GRIN2B: variants seen among roughly 807,000 people sequenced by gnomAD.
GRIN2B encodes the protein glutamate ionotropic receptor NMDA type subunit 2B.
GRIN2B carries 5 observed loss-of-function variants against 114.5 expected under a neutral mutation model. The ratio of observed to expected loss-of-function variants is 0.04; its 90% CI spans 0.02 to 0.09. GRIN2B has a LOEUF of 0.09. GRIN2B is among the 10% of genes least tolerant of loss of function. GRIN2B has a pLI of 1.00. For missense variants in GRIN2B, 1,108 were observed against 1,943.5 expected (o/e 0.57, Z 8.08); for synonymous variants, 787 against 745.1 (o/e 1.06, Z -0.92).
intron 5 of GRIN2B, among the ~76,000 whole-genome samples, chr12:13,663,282 A>AT (rs1203221963): frequency 6.6e-6 from 1 of 152,064 alleles, no homozygotes; most frequent in African/African-American, 2.4e-5. Flanking sequence ...TGCAGAAGGA[A>AT]TTTTTTTTAA....
In GRIN2B at chr12:13,559,413, AGTCTAGG is replaced by A. The variant is rs1948511921; in HGVS notation, c.*3363_*3369del. The A allele has an allele frequency of 6.6e-6, 1 of 152,240 alleles. No individual in the cohort carries two copies. Among genetic ancestry groups the A allele is most frequent in the South Asian group, 2.1e-4 (1 of 4,832 alleles). 9.4% of individuals were successfully genotyped at this position (152,240 alleles called of 1,614,324 possible). A position where few individuals can be genotyped will look rare whatever the true frequency, so the allele number is the denominator to read the frequency against. On this transcript the variant is annotated 3_prime_UTR_variant, in exon 14 of 14. Coordinates refer to ENST00000609686, the MANE Select transcript of GRIN2B (RefSeq NM_000834.5). ...GGCTGCCAACCTCCACAAAGCCAAC[AGTCTAGG>A]AAAAGAAGTTCTATTTGTCTGGTTA...
intron 2 of GRIN2B, among the ~76,000 whole-genome samples, chr12:13,892,055 A>G (rs1406666955): frequency 5.9e-5 from 9 of 152,224 alleles, no homozygotes; most frequent in Non-Finnish European, 1.2e-4. Context: ...TTTGATCCTC[A>G]TGACAATCAT....
intron 2 of GRIN2B, among the ~76,000 whole-genome samples, chr12:13,906,109 T>A (rs954727242): frequency 6.6e-6 from 1 of 152,186 alleles, no homozygotes; most frequent in African/African-American, 2.4e-5. Context: ...TGCCTTATCT[T>A]CTTATAGCAA....
chr12:13,605,076 T>C (rs1949219876), intron 10 of GRIN2B, among the ~76,000 whole-genome samples: 1 of 152,082 alleles, frequency 6.6e-6, no homozygotes, highest in Non-Finnish European at 1.5e-5. Flanking sequence ...AGACTCTTTT[T>C]TTTTTTTGTC....
At chr12:13,861,295 G>A (rs1227639631) in intron 3 of GRIN2B, among the ~76,000 whole-genome samples, 1 of 152,272 alleles carries the variant, frequency 6.6e-6, no homozygotes, top group African/African-American at 2.4e-5. Flanking sequence ...CTAATAGTGG[G>A]CTGTGATATC....
At chr12:13,731,426 C>T (rs1863084590) in intron 4 of GRIN2B, among the ~76,000 whole-genome samples, 1 of 152,022 alleles carries the variant, frequency 6.6e-6, no homozygotes, top group Non-Finnish European at 1.5e-5. Flanking sequence ...GGTGAAACCC[C>T]GTGTCCACTA....
Position 13,899,012 on chromosome 12 carries a change from C to G in GRIN2B, c.-18-32786G>C, listed in dbSNP as rs117610179. Among the ~76,000 whole-genome samples the G allele has an allele frequency of 7.7e-3, 1,167 of 152,270 alleles. 7 individuals carry two copies. Among genetic ancestry groups the G allele is most frequent in the Non-Finnish European group, 0.013 (852 of 68,022 alleles). On this transcript the variant is annotated intron_variant, in intron 2 of 13. Coordinates refer to ENST00000609686, the MANE Select transcript of GRIN2B (RefSeq NM_000834.5). ...TTTTGTCAGATACTGTGCTTGGTTT[C>G]CATAAGAATTCCTTTCCCCATTTTA...
chr12:13,594,008 A>T (rs193230807), intron 10 of GRIN2B, among the ~76,000 whole-genome samples: 1 of 152,344 alleles, frequency 6.6e-6, no homozygotes, highest in African/African-American at 2.4e-5. Flanking sequence ...GGTGATTATT[A>T]AAAAGTCAGG....
intron 5 of GRIN2B, among the ~76,000 whole-genome samples, chr12:13,641,379 C>G (rs377677101): frequency 6.6e-6 from 1 of 151,946 alleles, no homozygotes; most frequent in Admixed American, 6.6e-5. Flanking sequence ...AGCCTTGCAT[C>G]GTTAATTTGA....
intron 10 of GRIN2B, among the ~76,000 whole-genome samples, chr12:13,596,455 C>T (rs989734817): frequency 6.6e-6 from 1 of 152,208 alleles, no homozygotes; most frequent in African/African-American, 2.4e-5. Context: ...CTAAACACTG[C>T]TCTTGCTCTA....
In GRIN2B at chr12:13,866,194, C is replaced by G; in HGVS notation, c.15G>C (p.Ala5=). 1 of 1,609,266 alleles carries G rather than the reference C, an allele frequency of 6.2e-7. No homozygotes were observed. The highest frequency in any genetic ancestry group is 8.5e-7 in the Non-Finnish European group (1 of 1,179,930). Residue 5 remains alanine, a synonymous_variant, in exon 3 of 14, where the codon GCG becomes GCC. Transcript: ENST00000609686. The stretch of plus-strand genomic sequence containing the variant: ...ACCAGAACTTGGGAGAACAGCACTC[C>G]GCTCTGGGCTTCATCTTCAACTCGT... MKPR[A]ECCSPKFWLV...
chr12:13,927,342 G>A (rs1866935744), intron 2 of GRIN2B, among the ~76,000 whole-genome samples: 1 of 152,114 alleles, frequency 6.6e-6, no homozygotes, highest in Non-Finnish European at 1.5e-5. Flanking sequence ...CCACCTCAAG[G>A]AAGCCTTAGT....
intron 4 of GRIN2B, among the ~76,000 whole-genome samples, chr12:13,743,355 T>C (rs1422446877): frequency 6.6e-6 from 1 of 152,136 alleles, no homozygotes; most frequent in Non-Finnish European, 1.5e-5. Flanking sequence ...CAAGTCTCCA[T>C]GTGAACACAT....
In GRIN2B at chr12:13,914,584, G is replaced by A. The variant is rs12228168; in HGVS notation, c.-18-48358C>T. ...CCCACTAGTGGGTATACATCCCAAA[G>A]AAAGGAAATCAACATATCAAAGAGA... On this transcript the variant is annotated intron_variant, in intron 2 of 13. Transcript: ENST00000609686. Among the ~76,000 whole-genome samples, 8 of 152,252 alleles carry A rather than the reference G, an allele frequency of 5.3e-5. No homozygotes were observed. The East Asian group carries it at 1.3e-3, about 26-fold the overall frequency.
rs145002070 is a variant in GRIN2B, at chr12:13,900,757, C to T, written c.-18-34531G>A. On this transcript the variant is annotated intron_variant, in intron 2 of 13. Coordinates refer to ENST00000609686, the MANE Select transcript of GRIN2B (RefSeq NM_000834.5). The stretch of plus-strand genomic sequence containing the variant: ...TTCAGTTGTTTGTTTTAGAACATTA[C>T]GTGGATAGAATCACTTAGAATCATA... 7.9e-5 allele frequency among the ~76,000 whole-genome samples: 12 copies of T among 152,228 alleles called. No homozygotes were observed. The East Asian group carries it at 1.9e-3, about 24-fold the overall frequency.
At chr12:13,633,911 C>T (rs552960500) in intron 5 of GRIN2B, among the ~76,000 whole-genome samples, 1 of 151,106 alleles carries the variant, frequency 6.6e-6, no homozygotes, top group East Asian at 2.0e-4. Context: ...GACACAGCTG[C>T]TGACAGGAGG....
intron 11 of GRIN2B, among the ~76,000 whole-genome samples, chr12:13,571,564 A>G (rs1948708991): frequency 6.6e-6 from 1 of 152,198 alleles, no homozygotes. Context: ...TCATGGTTAC[A>G]TTAGTGCAAC....
At position 13,753,708 on chromosome 12, in the gene GRIN2B, T is replaced by C. The variant is rs747790101; in HGVS notation, c.619A>G (p.Met207Val). 1.2e-5 allele frequency: 19 copies of C among 1,614,172 alleles called. No individual in the cohort carries two copies. In the South Asian group the frequency reaches 1.9e-4, roughly 16 times the overall value. ...TTAGAATCTCCATCGTCCAGGGACA[T>C]GTCCAGTAGGAGGACCTCCTCTAGC... ...WELEEVLLLD[M>V]SLDDGDSKIQ... is the part of the protein sequence containing the mutation. Residue 207 changes from methionine (M) to valine (V), a missense_variant, in exon 4 of 14, where the codon ATG becomes GTG. Physicochemically the swap from Met to Val is conservative, Grantham distance 21. Transcript: ENST00000609686. This position sits in a 1 kb window ranked among gnomAD's most constrained non-coding sequence, Gnocchi z 6.2.
intron 10 of GRIN2B, among the ~76,000 whole-genome samples, chr12:13,605,755 G>A (rs887343858): frequency 6.6e-6 from 1 of 152,130 alleles, no homozygotes; most frequent in African/African-American, 2.4e-5. Context: ...GTTATGCTTA[G>A]TTCAAACAGA....
Sources: allele counts gnomAD v4.1 joint callset (sites outside exome capture counted in the v4.1 genomes callset), GRCh38; gene constraint gnomAD v4.1.1; non-coding constraint Gnocchi (gnomAD v3.1); transcripts MANE v1.5; gene names NCBI Gene and HGNC (gene_info 2026-07-23, HGNC 2026-07-21).